MLIP: variants seen among roughly 807,000 people sequenced by gnomAD.
MLIP encodes the protein muscular LMNA-interacting protein.
In MLIP, 79 loss-of-function variants were observed where a neutral mutation model predicts 84.8. The ratio of observed to expected loss-of-function variants is 0.93; its 90% confidence interval spans 0.78 to 1.12. MLIP has a LOEUF of 1.12. Among genes scored for constraint, MLIP ranks in the 50% most tolerant of loss-of-function variants. The pLI, the probability that MLIP is intolerant of heterozygous loss-of-function variation, is 0.00. For missense variants in MLIP, 1,257 were observed against 1,160.6 expected (o/e 1.08, Z -1.21); for synonymous variants, 504 against 463.0 (o/e 1.09, Z -1.14).
intron 12 of MLIP, among the ~76,000 whole-genome samples, chr6:54,255,046 C>T (rs1782915575): frequency 2.0e-5 from 3 of 152,060 alleles, no homozygotes; most frequent in Admixed American, 2.0e-4. Flanking sequence ...TTATACCAGC[C>T]AGCCCTGAGA....
intron 12 of MLIP, among the ~76,000 whole-genome samples, chr6:54,239,231 G>T: frequency 6.6e-6 from 1 of 151,214 alleles, no homozygotes; most frequent in East Asian, 1.9e-4. Flanking sequence ...ACTCTCACTC[G>T]CAGACCCCAG....
chr6:54,037,581 G>A (rs577361716), intron 1 of MLIP, among the ~76,000 whole-genome samples: 2 of 152,110 alleles, frequency 1.3e-5, no homozygotes, highest in Admixed American at 6.6e-5. Flanking sequence ...TAAAGGCATT[G>A]CTGTTGTGAA....
intron 4 of MLIP, among the ~76,000 whole-genome samples, chr6:54,143,207 G>GGGGGA (rs1362240778): frequency 6.9e-6 from 1 of 145,592 alleles, no homozygotes; most frequent in African/African-American, 2.7e-5. Context: ...GCACTCCCTG[G>GGGGGA]GGGGATTTGC....
intron 5 of MLIP, among the ~76,000 whole-genome samples, chr6:54,159,946 A>C (rs989206593): frequency 2.6e-5 from 4 of 152,136 alleles, no homozygotes; most frequent in African/African-American, 9.6e-5. Context: ...GCCACAGTAA[A>C]CAAAGCAGCA....
In MLIP at chr6:54,121,477, C is replaced by T; in HGVS notation, c.127C>T (p.Leu43=). 6.2e-7 allele frequency: 1 copy of T among 1,614,136 alleles called. No homozygotes were observed. The change falls in exon 2 of 14, where the codon CTG becomes TTG. Residue 43 remains leucine, a synonymous_variant. Transcript: ENST00000502396. ...TGCTGGTGGTTCTGAAGCCAAACCT[C>T]TGATCTTCACATTTGTCCCCACTGT... ...VSAGGSEAKP[L]IFTFVPTVRR...
intron 1 of MLIP, among the ~76,000 whole-genome samples, chr6:54,035,637 T>C (rs757478037): frequency 1.3e-5 from 2 of 152,022 alleles, no homozygotes; most frequent in Non-Finnish European, 2.9e-5. Context: ...TTTGGTATTA[T>C]TATTTTTTGT....
At chr6:54,261,815 A>G (rs879317562) in intron 13 of MLIP, 49 of 813,540 alleles carry the variant, frequency 6.0e-5, no homozygotes, top group Non-Finnish European at 6.1e-5. Flanking sequence ...GGCCCACTCT[A>G]TTCTTTTCAG....
intron 11 of MLIP, among the ~76,000 whole-genome samples, chr6:54,219,075 G>A (rs747074639): frequency 2.6e-4 from 39 of 151,478 alleles, no homozygotes; most frequent in Admixed American, 8.5e-4. Flanking sequence ...GCATGGTGGC[G>A]GGCGCCTGTA....
At position 54,208,713 on chromosome 6, in the gene MLIP, T is replaced by G. The variant is rs565731990; in HGVS notation, c.2718+6480T>G. Among the ~76,000 whole-genome samples, 3 of 152,330 alleles carry G rather than the reference T, an allele frequency of 2.0e-5. No homozygotes were observed. In the East Asian group the frequency reaches 5.8e-4, roughly 29 times the overall value. On this transcript the variant is annotated intron_variant, in intron 11 of 13. Coordinates refer to ENST00000502396, the MANE Select transcript of MLIP (RefSeq NM_001281747.2). ...ATTAGCCTGTGTATAGAACCACAGA[T>G]GGTAACAATCACATACCTTTGGCAT...
At chr6:54,264,336 A>G (rs968188968) in intron 13 of MLIP, among the ~76,000 whole-genome samples, 1 of 152,108 alleles carries the variant, frequency 6.6e-6, no homozygotes, top group African/African-American at 2.4e-5. Flanking sequence ...AGAGTTCACC[A>G]TTTCAGAAGC....
At chr6:54,252,823 C>G (rs572572972) in intron 12 of MLIP, among the ~76,000 whole-genome samples, 3 of 151,872 alleles carry the variant, frequency 2.0e-5, no homozygotes, top group African/African-American at 7.3e-5. Context: ...AAATTTAATT[C>G]TTTTTAAAGC....
intron 2 of MLIP, among the ~76,000 whole-genome samples, chr6:54,123,894 A>G (rs1477175699): frequency 6.6e-6 from 1 of 152,198 alleles, no homozygotes; most frequent in African/African-American, 2.4e-5. Context: ...CAAATCCAAA[A>G]TAAAACAGTG....
At chr6:54,167,313 C>T (rs1562006598) in intron 8 of MLIP, among the ~76,000 whole-genome samples, 1 of 97,464 alleles carries the variant, frequency 1.0e-5, no homozygotes, top group Non-Finnish European at 2.0e-5. Flanking sequence ...TGGCTTTCTT[C>T]CAACTCTCTC....
chr6:54,175,746 C>A (rs1776220062), intron 9 of MLIP, among the ~76,000 whole-genome samples: 1 of 151,552 alleles, frequency 6.6e-6, no homozygotes, highest in Middle Eastern at 3.2e-3. Context: ...TATTTTTTCT[C>A]TTGTCTGACT....
At chr6:54,154,697 T>G (rs565168863) in intron 5 of MLIP, among the ~76,000 whole-genome samples, 1 of 152,290 alleles carries the variant, frequency 6.6e-6, no homozygotes, top group South Asian at 2.1e-4. Flanking sequence ...CTACAACACT[T>G]GTTTTCATTA....
At chr6:54,185,662 G>T (rs905622634) in intron 9 of MLIP, among the ~76,000 whole-genome samples, 7 of 151,946 alleles carry the variant, frequency 4.6e-5, no homozygotes, top group Non-Finnish European at 8.8e-5. Context: ...TATAATTATT[G>T]AGGTAGAAAT....
At chr6:54,245,905 A>G (rs141667146) in intron 12 of MLIP, among the ~76,000 whole-genome samples, 122 of 152,232 alleles carry the variant, frequency 8.0e-4, no homozygotes, top group African/African-American at 2.6e-3. Context: ...AAATTTTTCT[A>G]TGTTGCTTTA....
intron 11 of MLIP, among the ~76,000 whole-genome samples, chr6:54,221,653 G>A (rs1780229174): frequency 6.6e-6 from 1 of 152,028 alleles, no homozygotes; most frequent in East Asian, 1.9e-4. Flanking sequence ...ATAAGATCTG[G>A]AAAAAGTGAA....
At chr6:54,215,385 T>C in intron 11 of MLIP, 1 of 1,292,418 alleles carries the variant, frequency 7.7e-7, no homozygotes, top group East Asian at 3.0e-5. Context: ...CTAATCACCA[T>C]TTCTAATGGA....
Sources: gnomAD v4.1 joint callset for allele counts (sites outside exome capture counted in the v4.1 genomes callset) on GRCh38, gnomAD v4.1.1 for gene constraint, MANE v1.5 for transcripts, NCBI Gene and HGNC (gene_info 2026-07-23, HGNC 2026-07-21) for gene names.